The following SMG1 variants were observed in gnomAD, a reference collection of about 807,000 sequenced individuals.
SMG1 encodes SMG1 nonsense mediated mRNA decay associated PI3K related kinase, also known as serine/threonine-protein kinase SMG1.
In SMG1, 22 loss-of-function variants were observed where a neutral mutation model predicts 419.9. The observed-to-expected ratio is 0.05, with a 90% CI of 0.04 to 0.07. The LOEUF is 0.07. SMG1 is among the 10% of genes least tolerant of loss of function. The pLI, the probability that SMG1 is intolerant of heterozygous loss-of-function variation, is 1.00. For synonymous variants in SMG1, 1,538 were observed against 1,553.5 expected, an observed-to-expected ratio of 0.99 and a Z score of 0.23; for missense variants, 3,185 against 4,342.0, an observed-to-expected ratio of 0.73 and a Z score of 7.49.
At chr16:18,834,833 AG>A in intron 49 of SMG1, 58 bp downstream of exon 49, 21 of 1,534,460 alleles carry the variant, frequency 1.4e-5, no homozygotes, top group Non-Finnish European at 1.8e-5. Context: ...AGAACATTTT[AG>A]GTTTGGGATT....
In SMG1 at chr16:18,834,261, G is replaced by A; in HGVS notation, c.8508C>T (p.Asn2836=). Residue 2836 remains asparagine (N), a synonymous_variant, in exon 50 of 63, where the codon AAC becomes AAT. Transcript: ENST00000446231. ...GAACTGTCTCAGACGCTTCCATGGG[G>A]TTCGGGATATCTAAGTCCTGTGGCA... ...HLVPQDLDIP[N]PMEASETVHL... 6.2e-7 allele frequency: 1 copy of A among 1,610,350 alleles called. No individual in the cohort carries two copies. The highest frequency in any genetic ancestry group is 8.5e-7 in the Non-Finnish European group (1 of 1,178,304).
At chr16:18,906,102 G>A (rs1275650261) in intron 1 of SMG1, among the ~76,000 whole-genome samples, 1 of 151,912 alleles carries the variant, frequency 6.6e-6, no homozygotes, top group Non-Finnish European at 1.5e-5. Flanking sequence ...TTCTATACAT[G>A]CACTATCCAG....
chr16:18,905,133 C>T (rs1295341341), intron 1 of SMG1, among the ~76,000 whole-genome samples: 4 of 151,456 alleles, frequency 2.6e-5, no homozygotes, highest in Admixed American at 6.6e-5. Flanking sequence ...TGGTGGTGGG[C>T]GCCTGTAATC....
Position 18,868,179 on chromosome 16 carries a change from C to T in SMG1, c.3195+11G>A. On this transcript the variant is annotated intron_variant, in intron 22 of 62. Coordinates refer to ENST00000446231, the MANE Select transcript of SMG1 (RefSeq NM_015092.5). The stretch of plus-strand genomic sequence containing the variant: ...ACAGACTTAAAATGAATTTCAAACA[C>T]ACCACATTACCTGAGATAGGCTGGT... 1.3e-6 allele frequency: 2 copies of T among 1,577,034 alleles called. No individual in the cohort carries two copies. The highest frequency in any genetic ancestry group is 1.7e-6 in the Non-Finnish European group (2 of 1,169,268).
chr16:18,873,063 A>G (rs1165467625), intron 13 of SMG1, among the ~76,000 whole-genome samples: 1 of 152,048 alleles, frequency 6.6e-6, no homozygotes, highest in Non-Finnish European at 1.5e-5. Flanking sequence ...CTGAGGCAGG[A>G]GAATCGCTTG....
intron 62 of SMG1, among the ~76,000 whole-genome samples, chr16:18,811,146 T>C (rs370854262): frequency 5.3e-5 from 8 of 152,140 alleles, no homozygotes; most frequent in Admixed American, 2.0e-4. Context: ...TTTGGATTCT[T>C]TGAGATTTTG....
intron 26 of SMG1, 22 bp from the exon 27 acceptor site, chr16:18,859,725 T>C (rs2035112311): frequency 1.3e-6 from 2 of 1,571,130 alleles, no homozygotes; most frequent in Non-Finnish European, 1.7e-6. Context: ...AAATAAAACG[T>C]CATTAAGTTC....
chr16:18,861,002 C>T (rs2035186851), intron 25 of SMG1: 1 of 419,662 alleles, frequency 2.4e-6, no homozygotes, highest in South Asian at 2.8e-5. Context: ...GTCACAGCTA[C>T]AGACTTTCAG....
In SMG1 at chr16:18,842,464, T is replaced by C. The variant is rs377139604; in HGVS notation, c.6220-10A>G. On this transcript the variant is annotated splice_polypyrimidine_tract_variant and intron_variant, in intron 39 of 62. Transcript: ENST00000446231. The stretch of plus-strand genomic sequence containing the variant: ...GCAAACTTAGCATTATCTATATTCA[T>C]AAGATGGGAGAAACAAATTTACATT... The C allele has an allele frequency of 6.8e-6, 11 of 1,608,598 alleles. No homozygotes were observed. In the East Asian group the frequency reaches 1.1e-4, roughly 16 times the overall value.
At chr16:18,849,624 G>A (rs2034479591) in intron 35 of SMG1, among the ~76,000 whole-genome samples, 1 of 152,204 alleles carries the variant, frequency 6.6e-6, no homozygotes, top group East Asian at 1.9e-4. Flanking sequence ...ATGTTACGGA[G>A]AAATGTATCT....
At chr16:18,835,268 T>G in intron 48 of SMG1, 104 bp from the exon 49 acceptor site, 1 of 1,195,456 alleles carries the variant, frequency 8.4e-7, no homozygotes, top group Non-Finnish European at 1.1e-6. Flanking sequence ...GTAGAAATCA[T>G]TATTTACATT....
In SMG1 at chr16:18,870,749, C is replaced by T. The variant is rs2035773077; in HGVS notation, c.2391-38G>A. Reference sequence around the variant, plus strand: ...GAAATAGACAAAGCAGGTGTGTTAACATTTCCAGGTTATTAGGGTTAATGT... The same window carrying T: ...GAAATAGACAAAGCAGGTGTGTTAATATTTCCAGGTTATTAGGGTTAATGT... On this transcript the variant is annotated intron_variant, in intron 17 of 62. Transcript: ENST00000446231. 5 of 1,559,602 alleles carry T rather than the reference C, an allele frequency of 3.2e-6. 1 individual carries two copies. Among genetic ancestry groups the T allele is most frequent in the African/African-American group, 1.4e-5 (1 of 73,868 alleles).
chr16:18,908,715 T>C (rs1484536961), intron 1 of SMG1, among the ~76,000 whole-genome samples: 1 of 151,174 alleles, frequency 6.6e-6, no homozygotes, highest in Admixed American at 6.6e-5. Flanking sequence ...CCGTCTCTAC[T>C]AGAACTACAA....
intron 20 of SMG1, 45 bp downstream of exon 20, chr16:18,869,056 TTAA>T: frequency 6.8e-7 from 1 of 1,480,828 alleles, no homozygotes; most frequent in Admixed American, 1.7e-5. Context: ...CCAGTATTTC[TTAA>T]TAAGGCTTTG....
At chr16:18,856,081 T>G (rs2034883894) in intron 29 of SMG1, among the ~76,000 whole-genome samples, 1 of 152,190 alleles carries the variant, frequency 6.6e-6, no homozygotes, top group Non-Finnish European at 1.5e-5. Flanking sequence ...CTCATCTTTA[T>G]CTTAACTCTC....
At chr16:18,909,393 G>C (rs1198221384) in intron 1 of SMG1, among the ~76,000 whole-genome samples, 1 of 151,334 alleles carries the variant, frequency 6.6e-6, no homozygotes, top group Non-Finnish European at 1.5e-5. Flanking sequence ...ATAATCCTAG[G>C]CCAAGCCAGC....
intron 39 of SMG1, among the ~76,000 whole-genome samples, chr16:18,843,241 C>T (rs2034027152): frequency 6.6e-6 from 1 of 152,204 alleles, no homozygotes; most frequent in Non-Finnish European, 1.5e-5. Flanking sequence ...CTACTCTTAT[C>T]AAACTGGAGT....
intron 1 of SMG1, among the ~76,000 whole-genome samples, chr16:18,923,807 G>C (rs2038287842): frequency 6.6e-6 from 1 of 152,172 alleles, no homozygotes; most frequent in Non-Finnish European, 1.5e-5. Flanking sequence ...GCAAGATCAA[G>C]ATCCGTTCTG....
In SMG1 at chr16:18,926,359, A is replaced by G. The variant is rs1173458771; in HGVS notation, c.-318T>C. The G allele has an allele frequency of 9.4e-6, 3 of 319,164 alleles. No homozygotes were observed. Among genetic ancestry groups the G allele is most frequent in the African/African-American group, 2.2e-5 (1 of 45,564 alleles). The allele number at this position is 319,164 out of a possible 1,614,324, so 19.8% of individuals were successfully genotyped here. ...GTCGCCGGGGCCCCGGAGGACGAGG[A>G]CGACGAGGAGCAGGCGGTGGCGGCA... is the stretch of plus-strand genomic sequence containing the variant. On this transcript the variant is annotated 5_prime_UTR_variant, in exon 1 of 63. Coordinates refer to ENST00000446231, the MANE Select transcript of SMG1 (RefSeq NM_015092.5).
Sources: gnomAD v4.1 joint callset for allele counts (sites outside exome capture counted in the v4.1 genomes callset) on GRCh38, gnomAD v4.1.1 for gene constraint, MANE v1.5 for transcripts, NCBI Gene and HGNC (gene_info 2026-07-23, HGNC 2026-07-21) for gene names.